Variants in NXPE2 observed in about 807,000 individuals in gnomAD.
The protein encoded by NXPE2 is neurexophilin and PC-esterase domain family member 2.
NXPE2 carries 34 observed loss-of-function variants against 34.4 expected under a neutral mutation model. That is an observed-to-expected ratio of 0.99 (90% confidence interval 0.75 to 1.31). The LOEUF is 1.31. NXPE2 is among the 40% of genes most tolerant of loss of function. The probability of loss-of-function intolerance (pLI) is 0.00; values close to 1 mark genes in which losing one functional copy is unlikely to be tolerated. For missense variants in NXPE2, 649 were observed against 672.5 expected (o/e 0.97, Z 0.39); for synonymous variants, 235 against 231.3 (o/e 1.02, Z -0.15).
At chr11:114,807,717 A>G in the NXPE2 span, among the ~76,000 whole-genome samples, 11 of 151,854 alleles carry the variant, frequency 7.2e-5, no homozygotes, top group East Asian at 1.4e-3. Context: ...CTACAAAGAG[A>G]CTTAGACTCC....
At chr11:114,716,499 G>A in the NXPE2 span, among the ~76,000 whole-genome samples, 8 of 152,122 alleles carry the variant, frequency 5.3e-5, no homozygotes, top group Admixed American at 4.6e-4. Flanking sequence ...TAATTATCTG[G>A]ATCTCAGAGA....
chr11:114,509,007 G>A, the NXPE2 span, among the ~76,000 whole-genome samples: 682 of 152,132 alleles, frequency 4.5e-3, 5 homozygotes, highest in African/African-American at 0.014. Context: ...CAAACGATGC[G>A]TCTGACAAAG....
the NXPE2 span, among the ~76,000 whole-genome samples, chr11:114,800,763 T>C: frequency 6.8e-6 from 1 of 146,896 alleles, no homozygotes; most frequent in Non-Finnish European, 1.5e-5. Flanking sequence ...GGTCTGTTTA[T>C]AACACTGTTT....
the NXPE2 span, among the ~76,000 whole-genome samples, chr11:114,506,581 C>T: frequency 6.6e-6 from 1 of 152,240 alleles, no homozygotes; most frequent in African/African-American, 2.4e-5. Flanking sequence ...AAGAAATTCA[C>T]CCACAACTAT....
chr11:114,465,067 G>A, the NXPE2 span, among the ~76,000 whole-genome samples: 3 of 152,136 alleles, frequency 2.0e-5, no homozygotes, highest in Non-Finnish European at 4.4e-5. Flanking sequence ...TGAGTCTTAA[G>A]CACTTACTGG....
At chr11:114,560,331 C>T in the NXPE2 span, among the ~76,000 whole-genome samples, 3 of 145,724 alleles carry the variant, frequency 2.1e-5, no homozygotes, top group East Asian at 4.1e-4. Flanking sequence ...AGTGCAGTGG[C>T]GTGATCATAG....
intron 2 of NXPE2, among the ~76,000 whole-genome samples, chr11:114,682,786 T>C (rs1950970788): frequency 6.6e-6 from 1 of 152,002 alleles, no homozygotes; most frequent in South Asian, 2.1e-4. Flanking sequence ...AAGAAGACAT[T>C]TCCTTTAGAC....
the NXPE2 span, among the ~76,000 whole-genome samples, chr11:114,553,198 G>A: frequency 9.9e-5 from 15 of 152,126 alleles, 1 homozygote; most frequent in Middle Eastern, 3.4e-3. Context: ...TTATAGTCTC[G>A]TATGCATATC....
chr11:114,671,645 CT>C, the NXPE2 span, among the ~76,000 whole-genome samples: 1 of 151,800 alleles, frequency 6.6e-6, no homozygotes, highest in Non-Finnish European at 1.5e-5. Flanking sequence ...ATTCAAAGTG[CT>C]GAGAGAAAAA....
At chr11:114,639,047 TTGTC>T in the NXPE2 span, among the ~76,000 whole-genome samples, 1 of 152,046 alleles carries the variant, frequency 6.6e-6, no homozygotes, top group East Asian at 1.9e-4. Flanking sequence ...GTCTTTTTGT[TTGTC>T]TGTGCCCTGC....
At chr11:114,782,636 TC>T in the NXPE2 span, among the ~76,000 whole-genome samples, 1 of 152,190 alleles carries the variant, frequency 6.6e-6, no homozygotes, top group East Asian at 1.9e-4. Context: ...ATCCCACAGT[TC>T]CTAGTTGTAG....
At chr11:114,778,653 T>C in the NXPE2 span, among the ~76,000 whole-genome samples, 1 of 151,940 alleles carries the variant, frequency 6.6e-6, no homozygotes, top group African/African-American at 2.4e-5. Context: ...CCCAGGAGTC[T>C]CCCCCAGAGC....
chr11:114,571,246 G>A, the NXPE2 span: 10 of 1,613,942 alleles, frequency 6.2e-6, no homozygotes, highest in East Asian at 1.6e-4. Flanking sequence ...ACATCAATGG[G>A]AAAGGGTCTG....
At chr11:114,590,068 A>G in the NXPE2 span, among the ~76,000 whole-genome samples, 1 of 152,190 alleles carries the variant, frequency 6.6e-6, no homozygotes, top group South Asian at 2.1e-4. Context: ...CTGCCCAGTT[A>G]AAATGGATGG....
chr11:114,649,798 G>A, the NXPE2 span, among the ~76,000 whole-genome samples: 1 of 152,090 alleles, frequency 6.6e-6, no homozygotes, highest in Admixed American at 6.5e-5. Flanking sequence ...CTGCCTTTGG[G>A]CTAATATTTA....
At chr11:114,537,747 G>A in the NXPE2 span, among the ~76,000 whole-genome samples, 3 of 151,860 alleles carry the variant, frequency 2.0e-5, no homozygotes, top group Non-Finnish European at 2.9e-5. Flanking sequence ...CCTCTTCAAG[G>A]AGAACTACAA....
the NXPE2 span, among the ~76,000 whole-genome samples, chr11:114,628,871 C>T: frequency 6.6e-6 from 1 of 151,922 alleles, no homozygotes. Context: ...ATACAAACTA[C>T]CATCAGAGAA....
the NXPE2 span, among the ~76,000 whole-genome samples, chr11:114,537,805 T>C: frequency 6.6e-6 from 1 of 151,806 alleles, no homozygotes; most frequent in Non-Finnish European, 1.5e-5. Flanking sequence ...TGGAAGAACA[T>C]TCCATGCTCA....
chr11:114,744,796 C>T, the NXPE2 span, among the ~76,000 whole-genome samples: 3 of 151,884 alleles, frequency 2.0e-5, no homozygotes, highest in Non-Finnish European at 4.4e-5. Context: ...AAGTGAGATC[C>T]TGTCTCAGAA....
Sources: allele counts gnomAD v4.1 joint callset (sites outside exome capture counted in the v4.1 genomes callset), GRCh38; gene constraint gnomAD v4.1.1; transcripts MANE v1.5; gene names NCBI Gene and HGNC (gene_info 2026-07-23, HGNC 2026-07-21).